Variants in BRINP3 observed in about 807,000 individuals in gnomAD.
BRINP3 encodes BMP/retinoic acid inducible neural specific 3, also known as BMP/retinoic acid-inducible neural-specific protein 3.
Under a neutral mutation model 71.0 loss-of-function variants are expected in BRINP3, and 19 were observed. That is an observed-to-expected ratio of 0.27 (90% CI 0.19 to 0.39). The LOEUF is 0.39. BRINP3 is among the 10% of genes least tolerant of loss of function. The probability of loss-of-function intolerance (pLI) is 1.00; values close to 1 mark genes in which losing one functional copy is unlikely to be tolerated. For missense variants in BRINP3, 959 were observed against 940.8 expected (o/e 1.02, Z -0.25); for synonymous variants, 380 against 337.7 (o/e 1.13, Z -1.37).
chr1:190,463,636 T>C (rs1026688624), intron 1 of BRINP3, among the ~76,000 whole-genome samples: 3 of 151,842 alleles, frequency 2.0e-5, no homozygotes, highest in African/African-American at 7.2e-5. Flanking sequence ...TGGATGTTCA[T>C]AAATTCTATA....
intron 5 of BRINP3, among the ~76,000 whole-genome samples, chr1:190,229,645 AACACACACACACACACACAC>A (rs71794093): frequency 2.2e-5 from 3 of 133,520 alleles, no homozygotes; most frequent in African/African-American, 2.8e-5. Context: ...AACAAAACAA[AACACACACACACACACACAC>A]ACACACACAC....
At chr1:190,380,175 AC>A (rs1670460513) in intron 2 of BRINP3, among the ~76,000 whole-genome samples, 1 of 152,100 alleles carries the variant, frequency 6.6e-6, no homozygotes, top group South Asian at 2.1e-4. Context: ...GATATCTTAA[AC>A]TAAGTTTGGG....
intron 7 of BRINP3, among the ~76,000 whole-genome samples, chr1:190,114,423 T>C (rs1485252580): frequency 1.3e-5 from 2 of 152,076 alleles, no homozygotes; most frequent in Non-Finnish European, 2.9e-5. Flanking sequence ...TAAATTAGAT[T>C]ATAGTAACTA....
At position 190,335,737 on chromosome 1, in the gene BRINP3, G is replaced by T. The variant is rs547824086; in HGVS notation, c.237-53987C>A. Among the ~76,000 whole-genome samples, 5 of 152,004 alleles carry T rather than the reference G, an allele frequency of 3.3e-5. No homozygotes were observed. The East Asian group carries it at 7.8e-4, about 24-fold the overall frequency. On this transcript the variant is annotated intron_variant, in intron 2 of 7. Coordinates refer to ENST00000367462, the MANE Select transcript of BRINP3 (RefSeq NM_199051.3). ...AAGTAGATCATAACATTACCTGAAAGAAATCATCATTACAATGGAGATTTT... is the reference window on the plus strand; with the variant it reads ...AAGTAGATCATAACATTACCTGAAATAAATCATCATTACAATGGAGATTTT...
At chr1:190,456,791 T>C (rs1159483185) in intron 1 of BRINP3, among the ~76,000 whole-genome samples, 1 of 152,026 alleles carries the variant, frequency 6.6e-6, no homozygotes, top group Non-Finnish European at 1.5e-5. Context: ...TTTCTTAATT[T>C]AAATGAGTAA....
chr1:190,320,296 G>A (rs984838614), intron 2 of BRINP3, among the ~76,000 whole-genome samples: 11 of 151,872 alleles, frequency 7.2e-5, no homozygotes, highest in African/African-American at 2.7e-4. Context: ...TTATTTACTC[G>A]ATTTTTAGTG....
intron 2 of BRINP3, among the ~76,000 whole-genome samples, chr1:190,401,724 C>T (rs1166376275): frequency 2.6e-5 from 4 of 151,928 alleles, no homozygotes; most frequent in Admixed American, 6.6e-5. Flanking sequence ...TGTAAATGAA[C>T]CCAAATTAAT....
intron 2 of BRINP3, among the ~76,000 whole-genome samples, chr1:190,294,006 A>G (rs1251160731): frequency 6.6e-6 from 1 of 151,892 alleles, no homozygotes; most frequent in Non-Finnish European, 1.5e-5. Context: ...TAATTGGAAC[A>G]TTTAGTCTAT....
intron 4 of BRINP3, among the ~76,000 whole-genome samples, chr1:190,246,615 C>T (rs1229100204): frequency 6.6e-6 from 1 of 151,926 alleles, no homozygotes; most frequent in Non-Finnish European, 1.5e-5. Flanking sequence ...AATTACTATT[C>T]ATTCAAATTT....
intron 4 of BRINP3, among the ~76,000 whole-genome samples, chr1:190,243,888 T>C (rs1225829447): frequency 6.6e-6 from 1 of 152,142 alleles, no homozygotes; most frequent in East Asian, 1.9e-4. Flanking sequence ...TCTGAAGAAG[T>C]AAAACATTAA....
chr1:190,349,202 C>A (rs1366938657), intron 2 of BRINP3, among the ~76,000 whole-genome samples: 1 of 152,048 alleles, frequency 6.6e-6, no homozygotes, highest in Admixed American at 6.6e-5. Context: ...TAGTTTGGGG[C>A]TGATTCAAAT....
chr1:190,366,967 G>A (rs1353528429), intron 2 of BRINP3, among the ~76,000 whole-genome samples: 1 of 152,170 alleles, frequency 6.6e-6, no homozygotes, highest in Admixed American at 6.5e-5. Flanking sequence ...GGCATTGAGT[G>A]TATGTGGCCT....
At chr1:190,225,031 A>C (rs1657220564) in intron 6 of BRINP3, among the ~76,000 whole-genome samples, 1 of 151,972 alleles carries the variant, frequency 6.6e-6, no homozygotes, top group African/African-American at 2.4e-5. Flanking sequence ...CTGTTGGTGG[A>C]AATATAGATT....
At chr1:190,302,909 G>A (rs1664838396) in intron 2 of BRINP3, 1 of 151,614 alleles carries the variant, frequency 6.6e-6, no homozygotes, top group African/African-American at 2.4e-5. Context: ...CATAATTAAT[G>A]ATGATAATAA....
At chr1:190,376,899 A>G (rs1183934272) in intron 2 of BRINP3, among the ~76,000 whole-genome samples, 3 of 152,026 alleles carry the variant, frequency 2.0e-5, no homozygotes, top group Non-Finnish European at 4.4e-5. Context: ...GGCAGAGACA[A>G]ATATCCACGC....
chr1:190,327,061 A>T (rs1490486872), intron 2 of BRINP3, among the ~76,000 whole-genome samples: 1 of 151,642 alleles, frequency 6.6e-6, no homozygotes, highest in African/African-American at 2.4e-5. Context: ...CATGCCTGTA[A>T]TCTCAGCGCT....
chr1:190,224,722 A>G (rs1018171502), intron 6 of BRINP3, among the ~76,000 whole-genome samples: 1 of 151,994 alleles, frequency 6.6e-6, no homozygotes, highest in African/African-American at 2.4e-5. Flanking sequence ...AATATTTACA[A>G]ACCATTCATC....
At chr1:190,117,360 G>A (rs1235377373) in intron 7 of BRINP3, among the ~76,000 whole-genome samples, 2 of 151,826 alleles carry the variant, frequency 1.3e-5, no homozygotes, top group Non-Finnish European at 2.9e-5. Flanking sequence ...TAATATTAAG[G>A]AGCCTATATT....
chr1:190,207,083 T>G (rs913356072), intron 6 of BRINP3, among the ~76,000 whole-genome samples: 14 of 151,928 alleles, frequency 9.2e-5, no homozygotes, highest in South Asian at 6.2e-4. Flanking sequence ...TTTCTTACAC[T>G]CTTCAACTTT....
Sources: gnomAD v4.1 joint callset for allele counts (sites outside exome capture counted in the v4.1 genomes callset) on GRCh38, gnomAD v4.1.1 for gene constraint, MANE v1.5 for transcripts, NCBI Gene and HGNC (gene_info 2026-07-23, HGNC 2026-07-21) for gene names.